The following SLC36A1 variants were observed in gnomAD, a reference collection of about 807,000 sequenced individuals.
The protein encoded by SLC36A1 is proton-coupled amino acid transporter 1.
SLC36A1 carries 30 observed loss-of-function variants against 47.5 expected under a neutral mutation model. The observed-to-expected ratio is 0.63, with a 90% CI of 0.47 to 0.86. The LOEUF (loss-of-function observed/expected upper bound fraction) is 0.86, where lower values mean the gene tolerates loss of function less well. SLC36A1 is among the 40% of genes least tolerant of loss of function. SLC36A1 has a pLI of 0.00. For missense variants in SLC36A1, 517 were observed against 606.0 expected (o/e 0.85, Z 1.54); for synonymous variants, 255 against 249.7 (o/e 1.02, Z -0.20).
At chr5:151,426,503 C>T in the SLC36A1 span, among the ~76,000 whole-genome samples, 2 of 152,126 alleles carry the variant, frequency 1.3e-5, no homozygotes, top group Non-Finnish European at 2.9e-5. Context: ...TTTGACTTTA[C>T]ACAAACATCT....
chr5:151,547,332 T>C, the SLC36A1 span, among the ~76,000 whole-genome samples: 1 of 152,200 alleles, frequency 6.6e-6, no homozygotes, highest in Non-Finnish European at 1.5e-5. Flanking sequence ...AGAGGCTTTG[T>C]TCTTCATTCT....
intron 2 of SLC36A1, among the ~76,000 whole-genome samples, chr5:151,461,244 C>T (rs1755464878): frequency 6.6e-6 from 1 of 151,322 alleles, no homozygotes; most frequent in South Asian, 2.1e-4. Flanking sequence ...CCTGCCTCGG[C>T]CTCCCAAAGT....
chr5:151,356,847 G>C, the SLC36A1 span, among the ~76,000 whole-genome samples: 1 of 152,062 alleles, frequency 6.6e-6, no homozygotes, highest in Non-Finnish European at 1.5e-5. Flanking sequence ...CCTTCAACCT[G>C]CTCATGATTT....
At chr5:151,345,660 A>C in the SLC36A1 span, among the ~76,000 whole-genome samples, 26 of 152,210 alleles carry the variant, frequency 1.7e-4, no homozygotes, top group Non-Finnish European at 2.9e-4. Flanking sequence ...TTGTTTTGCA[A>C]CTAGGAAAGG....
the SLC36A1 span, chr5:151,521,521 C>T: frequency 1.4e-5 from 22 of 1,614,112 alleles, no homozygotes; most frequent in South Asian, 2.1e-4. Flanking sequence ...GTAGAAGGTT[C>T]CAGAATGCCC....
At chr5:151,513,511 CAT>C in the SLC36A1 span, among the ~76,000 whole-genome samples, 2 of 152,180 alleles carry the variant, frequency 1.3e-5, no homozygotes, top group African/African-American at 4.8e-5. Flanking sequence ...TCAAATACCA[CAT>C]GTTCTCACTT....
chr5:151,470,566 G>A (rs1375043204), intron 7 of SLC36A1, among the ~76,000 whole-genome samples: 1 of 152,204 alleles, frequency 6.6e-6, no homozygotes, highest in Admixed American at 6.5e-5. Flanking sequence ...TACAGCATGG[G>A]GGAAGAGGTT....
the SLC36A1 span, chr5:151,550,778 C>A: frequency 6.2e-7 from 1 of 1,614,100 alleles, no homozygotes; most frequent in Admixed American, 1.7e-5. Flanking sequence ...AGCTCTACCC[C>A]TGGCACGGTG....
chr5:151,361,519 C>A, the SLC36A1 span, among the ~76,000 whole-genome samples: 1 of 152,066 alleles, frequency 6.6e-6, no homozygotes, highest in African/African-American at 2.4e-5. Flanking sequence ...TGCAACTGCC[C>A]AAATTGTTAA....
chr5:151,367,648 G>C, the SLC36A1 span, among the ~76,000 whole-genome samples: 6 of 152,104 alleles, frequency 3.9e-5, no homozygotes, highest in Admixed American at 6.6e-5. Context: ...TGGTCCTGAG[G>C]TGACGTACAT....
chr5:151,415,594 G>T, the SLC36A1 span, among the ~76,000 whole-genome samples: 1 of 152,008 alleles, frequency 6.6e-6, no homozygotes, highest in East Asian at 1.9e-4. Context: ...TTATACATTT[G>T]TATCTTTTCT....
the SLC36A1 span, among the ~76,000 whole-genome samples, chr5:151,355,219 A>G: frequency 1.3e-5 from 2 of 152,146 alleles, no homozygotes; most frequent in East Asian, 3.8e-4. Context: ...GAGGGAACAC[A>G]GGAGTTTTTC....
At chr5:151,538,084 A>G in the SLC36A1 span, 7 of 645,134 alleles carry the variant, frequency 1.1e-5, no homozygotes, top group African/African-American at 1.8e-5. Context: ...GACAGAAAAA[A>G]GAACAGAGAC....
Position 151,473,514 on chromosome 5 carries a change from G to T in SLC36A1, c.724-159G>T, listed in dbSNP as rs112319677. 8.9e-3 allele frequency among the ~76,000 whole-genome samples: 1,360 copies of T among 152,210 alleles called. 12 individuals carry two copies. Among genetic ancestry groups the T allele is most frequent in the African/African-American group, 0.017 (718 of 41,536 alleles). On this transcript the variant is annotated intron_variant, in intron 7 of 10. Coordinates refer to ENST00000243389, the MANE Select transcript of SLC36A1 (RefSeq NM_078483.4). ...AGCCTGAAGAGAAAAACATACAAAG[G>T]TTAAATGTCCCTAAATCATCTGTCA...
chr5:151,347,296 C>T, the SLC36A1 span: 59 of 1,614,048 alleles, frequency 3.7e-5, 2 homozygotes, highest in South Asian at 1.4e-4. Context: ...ACAGCACTCA[C>T]GTTATGCCCT....
chr5:151,543,624 A>G, the SLC36A1 span: 1 of 1,614,182 alleles, frequency 6.2e-7, no homozygotes, highest in African/African-American at 1.3e-5. Flanking sequence ...CTAGCAAATC[A>G]ATCACCTTGG....
chr5:151,550,831 G>T, the SLC36A1 span: 3 of 1,613,628 alleles, frequency 1.9e-6, no homozygotes, highest in South Asian at 3.3e-5. Flanking sequence ...CAGAAACTGG[G>T]GCCGATGGTG....
At chr5:151,507,070 G>A in the SLC36A1 span, 1 of 1,240,408 alleles carries the variant, frequency 8.1e-7, no homozygotes, top group Non-Finnish European at 1.1e-6. Context: ...AGCTAAAAAT[G>A]CCTGTGCCTC....
chr5:151,370,255 A>G, the SLC36A1 span, among the ~76,000 whole-genome samples: 3 of 152,264 alleles, frequency 2.0e-5, no homozygotes, highest in Non-Finnish European at 4.4e-5. Flanking sequence ...GGGCCAAGCC[A>G]GTATATGATC....
Sources: allele counts gnomAD v4.1 joint callset (sites outside exome capture counted in the v4.1 genomes callset), GRCh38; gene constraint gnomAD v4.1.1; transcripts MANE v1.5; gene names NCBI Gene and HGNC (gene_info 2026-07-23, HGNC 2026-07-21).